CFAP44: variants seen among roughly 807,000 people sequenced by gnomAD.
CFAP44 encodes cilia- and flagella-associated protein 44.
CFAP44 carries 134 observed loss-of-function variants against 216.2 expected under a neutral mutation model. The observed-to-expected ratio is 0.62, with a 90% CI of 0.54 to 0.72. The LOEUF (loss-of-function observed/expected upper bound fraction) is 0.72. Ranked by LOEUF, CFAP44 falls within the 30% of genes least tolerant of loss-of-function variation. The pLI, the probability that CFAP44 is intolerant of heterozygous loss-of-function variation, is 0.00. For missense variants in CFAP44, 2,035 were observed against 2,182.1 expected, an observed-to-expected ratio of 0.93 and a Z score of 1.34; for synonymous variants, 700 against 727.6, an observed-to-expected ratio of 0.96 and a Z score of 0.61.
rs535216458 is a variant in CFAP44 at position 113,292,226 on chromosome 3, C to G, written c.5374-478G>C. On this transcript the variant is annotated intron_variant, in intron 34 of 34. Transcript: ENST00000393845. ...CCTGCTTTCTGTTTTATCGAAACATCCATTATACATATACATCACTATAAT... is the reference window on the plus strand; with the variant it reads ...CCTGCTTTCTGTTTTATCGAAACATGCATTATACATATACATCACTATAAT... Among the ~76,000 whole-genome samples the G allele has an allele frequency of 1.7e-4, 26 of 152,200 alleles. No individual in the cohort carries two copies. The South Asian group carries it at 5.4e-3, about 32-fold the overall frequency.
chr3:113,428,041 G>A (rs997242479), intron 2 of CFAP44, among the ~76,000 whole-genome samples: 1 of 152,132 alleles, frequency 6.6e-6, no homozygotes, highest in South Asian at 2.1e-4. Context: ...AGAAAAGCTG[G>A]GCCAAGCCAA....
chr3:113,347,089 A>G (rs570767474), intron 22 of CFAP44, among the ~76,000 whole-genome samples: 4 of 152,116 alleles, frequency 2.6e-5, no homozygotes, highest in East Asian at 3.9e-4. Context: ...CTTCTGCCCT[A>G]TTTTTCCTTA....
chr3:113,309,101 G>T (rs1950013622), intron 28 of CFAP44, among the ~76,000 whole-genome samples: 1 of 152,126 alleles, frequency 6.6e-6, no homozygotes, highest in African/African-American at 2.4e-5. Flanking sequence ...GCTTCTCTGA[G>T]TCCTTTTTCT....
Position 113,373,565 on chromosome 3 carries a change from G to C in CFAP44, c.2299-9C>G. The C allele has an allele frequency of 6.4e-7, 1 of 1,567,170 alleles. No homozygotes were observed. The highest frequency in any genetic ancestry group is 1.2e-5 in the South Asian group (1 of 82,204). Reference sequence around the variant, plus strand: ...CCAGAATCATAGCCACCCTAGAAAAGAGATAAGTAACATAGAAGGTGGTAC... The same window carrying C: ...CCAGAATCATAGCCACCCTAGAAAACAGATAAGTAACATAGAAGGTGGTAC... On this transcript the variant is annotated splice_polypyrimidine_tract_variant and intron_variant, in intron 17 of 34. Transcript: ENST00000393845.
chr3:113,320,465 TC>T (rs200020186), intron 28 of CFAP44, among the ~76,000 whole-genome samples: 1 of 102,478 alleles, frequency 9.8e-6, no homozygotes, highest in East Asian at 2.4e-4. Context: ...CATCTATATA[TC>T]ATATATGATA....
In CFAP44 at chr3:113,399,700, C is replaced by T. The variant is rs140993489; in HGVS notation, c.1569+206G>A. Reference sequence around the variant, plus strand: ...GAAACTGTTACAAATCTACAGGTGGCAAAAAATTTCACTAAAAACAAGACC... The same window carrying T: ...GAAACTGTTACAAATCTACAGGTGGTAAAAAATTTCACTAAAAACAAGACC... On this transcript the variant is annotated intron_variant, in intron 13 of 34. Transcript: ENST00000393845. 4.1e-4 allele frequency among the ~76,000 whole-genome samples: 62 copies of T among 152,130 alleles called. 1 individual carries two copies. The Middle Eastern group carries it at 0.02, about 50-fold the overall frequency.
intron 1 of CFAP44, among the ~76,000 whole-genome samples, chr3:113,441,155 T>C (rs1335157937): frequency 6.6e-6 from 1 of 152,156 alleles, no homozygotes; most frequent in Non-Finnish European, 1.5e-5. Flanking sequence ...CCCAGCACCT[T>C]CCCAGCTGAC....
At chr3:113,368,445 T>C (rs1002290329) in intron 18 of CFAP44, among the ~76,000 whole-genome samples, 28 of 152,282 alleles carry the variant, frequency 1.8e-4, no homozygotes, top group African/African-American at 6.5e-4. Context: ...TCAATATTCT[T>C]AAAGAAAAGA....
intron 34 of CFAP44, chr3:113,294,263 C>A: frequency 3.9e-6 from 1 of 259,134 alleles, no homozygotes. Context: ...AAGTTGAAAC[C>A]CACACAAAGT....
In CFAP44 at chr3:113,363,469, T is replaced by C; in HGVS notation, c.2771+8A>G. 6.2e-7 allele frequency: 1 copy of C among 1,608,378 alleles called. No individual in the cohort carries two copies. The highest frequency in any genetic ancestry group is 8.5e-7 in the Non-Finnish European group (1 of 1,177,954). ...GGCCTAGTCAGTATTTATCAAAAAT[T>C]CCCATACCTGTAGGCTTTGGGATCT... On this transcript the variant is annotated splice_region_variant and intron_variant, in intron 20 of 34. Transcript: ENST00000393845.
intron 22 of CFAP44, among the ~76,000 whole-genome samples, chr3:113,356,830 T>G (rs1453218203): frequency 6.6e-6 from 1 of 152,080 alleles, no homozygotes; most frequent in East Asian, 1.9e-4. Context: ...AGAAAAAACT[T>G]CTATTCAACA....
intron 27 of CFAP44, among the ~76,000 whole-genome samples, chr3:113,327,336 G>A (rs1367496597): frequency 6.6e-6 from 1 of 152,118 alleles, no homozygotes; most frequent in Non-Finnish European, 1.5e-5. Flanking sequence ...CCAGACTGGT[G>A]TAGAGTGGCA....
Position 113,344,933 on chromosome 3 carries a change from C to T in CFAP44, c.3066-221G>A, listed in dbSNP as rs573645543. Among the ~76,000 whole-genome samples, 26 of 151,664 alleles carry T rather than the reference C, an allele frequency of 1.7e-4. No homozygotes were observed. The South Asian group carries it at 5.0e-3, about 29-fold the overall frequency. ...TTTCTAATGAAAATACTAAACAACT[C>T]ATTATTAATCACTATAATACCAGTG... is the stretch of plus-strand genomic sequence containing the variant. On this transcript the variant is annotated intron_variant, in intron 22 of 34. Transcript: ENST00000393845.
chr3:113,375,167 G>C (rs181038602), intron 17 of CFAP44, among the ~76,000 whole-genome samples: 48 of 152,234 alleles, frequency 3.2e-4, no homozygotes, highest in African/African-American at 1.2e-3. Context: ...GGTTGCCAGG[G>C]GCTGAGAGAA....
At chr3:113,340,877 T>C (rs1950326556) in intron 24 of CFAP44, among the ~76,000 whole-genome samples, 1 of 152,182 alleles carries the variant, frequency 6.6e-6, no homozygotes, top group African/African-American at 2.4e-5. Flanking sequence ...CAAATTTTTA[T>C]AGAGTGGAAG....
chr3:113,308,442 T>G (rs1950006844), intron 28 of CFAP44, among the ~76,000 whole-genome samples, 174 bp from the exon 29 acceptor site: 1 of 152,220 alleles, frequency 6.6e-6, no homozygotes, highest in African/African-American at 2.4e-5. Context: ...CAGAGGGTTG[T>G]GCAGTTACTA....
rs138608282 is a variant in CFAP44 at position 113,311,912 on chromosome 3, G to A, written c.4517-3644C>T. Among the ~76,000 whole-genome samples, 245 of 152,242 alleles carry A rather than the reference G, an allele frequency of 1.6e-3. 2 individuals are homozygous for A. Among genetic ancestry groups the A allele is most frequent in the African/African-American group, 5.5e-3 (228 of 41,518 alleles). ...TTTTGTTAGTTTTAGCAAAGAGACT[G>A]GGGGCATTTTGCCCCTGCCCTAGAG... On this transcript the variant is annotated intron_variant, in intron 28 of 34. Coordinates refer to ENST00000393845, the MANE Select transcript of CFAP44 (RefSeq NM_001164496.2).
At chr3:113,342,750 G>T (rs1950344600) in intron 23 of CFAP44, among the ~76,000 whole-genome samples, 1 of 151,876 alleles carries the variant, frequency 6.6e-6, no homozygotes, top group Admixed American at 6.6e-5. Context: ...TTATCACTTT[G>T]TAAGGCCAAG....
At chr3:113,297,723 C>T (rs1949895842) in intron 32 of CFAP44, among the ~76,000 whole-genome samples, 1 of 152,028 alleles carries the variant, frequency 6.6e-6, no homozygotes, top group Non-Finnish European at 1.5e-5. Context: ...TTTGTCTTTC[C>T]CCAATGTGAG....
Sources: allele counts gnomAD v4.1 joint callset (sites outside exome capture counted in the v4.1 genomes callset), GRCh38; gene constraint gnomAD v4.1.1; transcripts MANE v1.5; gene names NCBI Gene and HGNC (gene_info 2026-07-23, HGNC 2026-07-21).